Variants in GFPT2 observed in about 807,000 individuals in gnomAD.
GFPT2 encodes the protein glutamine--fructose-6-phosphate transaminase 2, also known as glutamine--fructose-6-phosphate aminotransferase [isomerizing] 2.
In GFPT2, 62 loss-of-function variants were observed where a neutral mutation model predicts 85.6. That is an observed-to-expected ratio of 0.72 (90% CI 0.59 to 0.90). The LOEUF (loss-of-function observed/expected upper bound fraction) is 0.90, where lower values mean the gene tolerates loss of function less well. Among genes scored for constraint, GFPT2 ranks in the 40% least tolerant of loss-of-function variants. The pLI, the probability that GFPT2 is intolerant of heterozygous loss-of-function variation, is 0.00. For missense variants in GFPT2, 788 were observed against 893.4 expected, an observed-to-expected ratio of 0.88 and a Z score of 1.50; for synonymous variants, 368 against 344.5, an observed-to-expected ratio of 1.07 and a Z score of -0.75.
chr5:180,352,246 G>A, intron 1 of GFPT2: 2 of 360,056 alleles, frequency 5.6e-6, no homozygotes, highest in South Asian at 4.2e-5. Context: ...CCGGCCCTCA[G>A]CAAAGTCAGA....
rs1385921328 is a variant in GFPT2 at position 180,330,766 on chromosome 5, C to T, written c.468G>A (p.Val156=). The T allele has an allele frequency of 6.2e-7, 1 of 1,612,914 alleles. No individual in the cohort carries two copies. The highest frequency in any genetic ancestry group is 2.2e-5 in the East Asian group (1 of 44,880). The part of the protein sequence containing the change: ...TETIAKLIKY[V]FDNRETEDIT... ...TGTCCTCAGTTTCTCTGTTGTCGAA[C>T]ACATATTTAATCAGCTTGGCGATGG... is the stretch of plus-strand genomic sequence containing the variant. Residue 156 remains valine, a synonymous_variant, in exon 6 of 19, where the codon GTG becomes GTA. Coordinates refer to ENST00000253778, the MANE Select transcript of GFPT2 (RefSeq NM_005110.4). This position sits in a 1 kb window ranked among gnomAD's most constrained non-coding sequence, Gnocchi z 4.4.
chr5:180,339,461 C>T (rs1764468108), intron 1 of GFPT2, among the ~76,000 whole-genome samples: 1 of 151,820 alleles, frequency 6.6e-6, no homozygotes, highest in African/African-American at 2.4e-5. Context: ...CTGCAGAATC[C>T]TTATGTTCAA....
intron 1 of GFPT2, among the ~76,000 whole-genome samples, chr5:180,342,955 T>C (rs1375236916): frequency 1.3e-5 from 2 of 151,912 alleles, no homozygotes; most frequent in Non-Finnish European, 1.5e-5. Context: ...AACCAGAAAG[T>C]TCCCTGTGGG....
chr5:180,319,022 G>A (rs1279561833), intron 9 of GFPT2, 66 bp from the exon 10 acceptor site: 1 of 1,515,018 alleles, frequency 6.6e-7, no homozygotes, highest in Non-Finnish European at 9.0e-7. Flanking sequence ...GCAGCCCCTT[G>A]CTGGTTCCCA....
intron 4 of GFPT2, among the ~76,000 whole-genome samples, chr5:180,334,508 C>A (rs975256839): frequency 6.6e-6 from 1 of 152,214 alleles, no homozygotes; most frequent in Admixed American, 6.5e-5. Context: ...CAAGGATTAA[C>A]CGCAGTGGGA....
chr5:180,318,797 C>G lies in GFPT2; in HGVS notation c.954G>C (p.Met318Ile), dbSNP rs1764063068. Reference protein sequence around the residue: ...QTLQMELQQIMKGNFSAFMQK... With the variant: ...QTLQMELQQIIKGNFSAFMQK... ...TGGACTCTGGAGGACACCTGCCTTTCATGATTTGCTGCAGTTCCATCTGCA... is the reference window on the plus strand; with the variant it reads ...TGGACTCTGGAGGACACCTGCCTTTGATGATTTGCTGCAGTTCCATCTGCA... Residue 318 changes from methionine (M) to isoleucine (I), a missense_variant, in exon 10 of 19, where the codon ATG becomes ATC. By Grantham distance (10) the Met-to-Ile change is conservative. Coordinates refer to ENST00000253778, the MANE Select transcript of GFPT2 (RefSeq NM_005110.4). The surrounding 1 kb of genome is among the most constrained non-coding windows in gnomAD (Gnocchi z 4.2). The G allele has an allele frequency of 6.2e-7, 1 of 1,613,638 alleles. No homozygotes were observed. The highest frequency in any genetic ancestry group is 8.5e-7 in the Non-Finnish European group (1 of 1,179,868).
intron 13 of GFPT2, among the ~76,000 whole-genome samples, chr5:180,315,457 C>T (rs147055450): frequency 8.6e-5 from 13 of 151,940 alleles, no homozygotes; most frequent in East Asian, 5.8e-4. Flanking sequence ...GGATTACAGG[C>T]GTGAGCCACC....
At chr5:180,311,437 T>G (rs3805704) in intron 15 of GFPT2, among the ~76,000 whole-genome samples, 9,730 of 151,958 alleles carry the variant, frequency 0.064, 950 homozygotes, top group African/African-American at 0.21. Context: ...CCCAAGGAGG[T>G]CATGATTTAG....
Position 180,316,987 on chromosome 5 carries a change from G to T in GFPT2, c.1030C>A (p.Arg344=). 1 of 1,609,424 alleles carries T rather than the reference G, an allele frequency of 6.2e-7. No individual in the cohort carries two copies. Among genetic ancestry groups the T allele is most frequent in the Non-Finnish European group, 8.5e-7 (1 of 1,175,772 alleles). ...PESVFNTMRG[R]VNFETNTVLL... ...CCTGTGTTGGTTTCAAAATTCACCC[G>T]ACCTCTCATAGTATTGAAAACTGAT... Residue 344 remains arginine (R), a synonymous_variant, in exon 11 of 19, where the codon CGG becomes AGG. Transcript: ENST00000253778.
chr5:180,308,372 G>C (rs1164999568), intron 15 of GFPT2, among the ~76,000 whole-genome samples: 2 of 152,114 alleles, frequency 1.3e-5, no homozygotes, highest in Non-Finnish European at 2.9e-5. Flanking sequence ...ACAAGAATTA[G>C]TGAGAAGAAT....
chr5:180,326,691 T>C (rs944610610), intron 7 of GFPT2, among the ~76,000 whole-genome samples: 5 of 152,178 alleles, frequency 3.3e-5, no homozygotes, highest in Non-Finnish European at 7.3e-5. Flanking sequence ...TAGTTTATAA[T>C]AATGGCAGTG....
chr5:180,314,358 C>T (rs1235052006), intron 13 of GFPT2, among the ~76,000 whole-genome samples: 2 of 152,150 alleles, frequency 1.3e-5, no homozygotes, highest in Non-Finnish European at 2.9e-5. Context: ...TGAGATGGAA[C>T]AGATTTAACA....
intron 15 of GFPT2, among the ~76,000 whole-genome samples, chr5:180,308,117 A>G (rs563950428): frequency 4.6e-4 from 70 of 152,128 alleles, no homozygotes; most frequent in South Asian, 1.5e-3. Flanking sequence ...TTAGCCGGGC[A>G]TGGTGGCGGG....
chr5:180,303,191 C>T (rs1461965341), intron 17 of GFPT2, among the ~76,000 whole-genome samples: 14 of 149,174 alleles, frequency 9.4e-5, no homozygotes, highest in Middle Eastern at 3.5e-3. Flanking sequence ...GATGGCGCCA[C>T]TGCACTCCAG....
intron 1 of GFPT2, among the ~76,000 whole-genome samples, chr5:180,342,574 C>A (rs951382785): frequency 6.6e-6 from 1 of 151,832 alleles, no homozygotes; most frequent in Non-Finnish European, 1.5e-5. Flanking sequence ...CAGTGCCCAG[C>A]CTAGGTGAAA....
At chr5:180,313,994 G>A (rs902054261) in intron 13 of GFPT2, 30 bp from the exon 14 acceptor site, 4 of 1,563,426 alleles carry the variant, frequency 2.6e-6, no homozygotes, top group Admixed American at 3.5e-5. Context: ...TCAGTGCCGC[G>A]CTCCGCCAGC....
intron 1 of GFPT2, among the ~76,000 whole-genome samples, chr5:180,339,531 G>C (rs1764469728): frequency 6.6e-6 from 1 of 152,154 alleles, no homozygotes; most frequent in African/African-American, 2.4e-5. Flanking sequence ...CATATTTCAA[G>C]ATAATTTTCC....
At chr5:180,326,628 G>A (rs1270826214) in intron 7 of GFPT2, among the ~76,000 whole-genome samples, 2 of 152,202 alleles carry the variant, frequency 1.3e-5, no homozygotes, top group African/African-American at 2.4e-5. Context: ...ATCATTTATT[G>A]TGTAAAGCAA....
At chr5:180,325,827 C>A (rs1305964204) in intron 7 of GFPT2, among the ~76,000 whole-genome samples, 1 of 152,210 alleles carries the variant, frequency 6.6e-6, no homozygotes, top group Non-Finnish European at 1.5e-5. Context: ...GAGTTTGACA[C>A]CAGCCTGGCC....
Sources: allele counts gnomAD v4.1 joint callset (sites outside exome capture counted in the v4.1 genomes callset), GRCh38; gene constraint gnomAD v4.1.1; non-coding constraint Gnocchi (gnomAD v3.1); transcripts MANE v1.5; gene names NCBI Gene and HGNC (gene_info 2026-07-23, HGNC 2026-07-21).